The following DBN1 variants were observed in gnomAD, a reference collection of about 807,000 sequenced individuals.
The protein encoded by DBN1 is drebrin.
DBN1 carries 21 observed loss-of-function variants against 83.5 expected under a neutral mutation model. The ratio of observed to expected loss-of-function variants is 0.25; its 90% CI spans 0.18 to 0.36. The LOEUF is 0.36. Among genes scored for constraint, DBN1 ranks in the 10% least tolerant of loss-of-function variants. The probability of loss-of-function intolerance (pLI) is 1.00; values close to 1 mark genes in which losing one functional copy is unlikely to be tolerated. For missense variants in DBN1, 874 were observed against 935.7 expected, an observed-to-expected ratio of 0.93 and a Z score of 0.86; for synonymous variants, 381 against 384.9, an observed-to-expected ratio of 0.99 and a Z score of 0.12.
intron 1 of DBN1, chr5:177,472,204 C>A: frequency 6.2e-7 from 1 of 1,613,808 alleles, no homozygotes; most frequent in Non-Finnish European, 8.5e-7. Flanking sequence ...CATGGATGCC[C>A]AGCCATCTCA....
rs759928087 is a variant in DBN1, at chr5:177,466,748, C to T, written c.771+24G>A. The T allele has an allele frequency of 1.1e-5, 18 of 1,613,506 alleles. No homozygotes were observed. The highest frequency in any genetic ancestry group is 7.7e-5 in the South Asian group (7 of 91,064). Reference sequence around the variant, plus strand: ...ATTCTCACTTCCCTGACCCAGAGACCGGGAGCCTTGGCAAAGAACTTACAA... The same window carrying T: ...ATTCTCACTTCCCTGACCCAGAGACTGGGAGCCTTGGCAAAGAACTTACAA... On this transcript the variant is annotated intron_variant, in intron 8 of 14. Transcript: ENST00000393565. The surrounding 1 kb of genome is among the most constrained non-coding windows in gnomAD (Gnocchi z 4.8).
rs993556507 is a variant in DBN1, at chr5:177,473,354, CG to C, written c.86+81del. 7.4e-6 allele frequency: 6 copies of C among 808,798 alleles called. No homozygotes were observed. The African/African-American group carries it at 9.0e-5, about 12-fold the overall frequency. The allele number at this position is 808,798 out of a possible 1,614,324, so 50.1% of individuals were successfully genotyped here. A position where few individuals can be genotyped will look rare whatever the true frequency, so the allele number is the denominator to read the frequency against. On this transcript the variant is annotated intron_variant, in intron 1 of 14. Coordinates refer to ENST00000393565, the MANE Select transcript of DBN1 (RefSeq NM_001363541.2). ...CGGGGTCCCCCTCCCTTCCCGGCGG[CG>C]GGGCGGCGGGGCGGGAGAGAAACAA...
intron 13 of DBN1, 145 bp from the exon 14 acceptor site, chr5:177,457,902 G>A (rs111482145): frequency 9.2e-7 from 1 of 1,092,642 alleles, no homozygotes; most frequent in Non-Finnish European, 1.4e-6. Flanking sequence ...AACAAAAGCA[G>A]AGCCGGCCCA....
At chr5:177,468,989 G>T in intron 1 of DBN1, 90 bp from the exon 2 acceptor site, 1 of 737,396 alleles carries the variant, frequency 1.4e-6, no homozygotes. Context: ...GAGGGACATG[G>T]AGTGGGTAGG....
rs1381675074 is a variant in DBN1, at chr5:177,457,513, T to C, written c.2018-10A>G. The C allele has an allele frequency of 1.9e-6, 3 of 1,613,752 alleles. No individual in the cohort carries two copies. The highest frequency in any genetic ancestry group is 3.3e-5 in the Admixed American group (2 of 60,020). On this transcript the variant is annotated splice_polypyrimidine_tract_variant and intron_variant, in intron 14 of 14. Coordinates refer to ENST00000393565, the MANE Select transcript of DBN1 (RefSeq NM_001363541.2). ...CATGTGATGTCGATCTCTGTGGCGT[T>C]AGAAAGGGAGAGGAGTTAGGGACCT... is the stretch of plus-strand genomic sequence containing the variant.
At chr5:177,473,400 G>A in intron 1 of DBN1, 36 bp downstream of exon 1, 1 of 1,245,016 alleles carries the variant, frequency 8.0e-7, no homozygotes, top group Non-Finnish European at 1.1e-6. Context: ...GGCGGCGCGG[G>A]GACAAAGGGG....
At chr5:177,460,772 GTATTT>G in intron 8 of DBN1, 69 bp from the exon 9 acceptor site, 4 of 1,483,102 alleles carry the variant, frequency 2.7e-6, no homozygotes, top group South Asian at 1.2e-5. Flanking sequence ...CTTTTTTACT[GTATTT>G]TATTTATTGA....
chr5:177,459,407 G>A, intron 11 of DBN1, 139 bp from the exon 12 acceptor site: 1 of 1,432,112 alleles, frequency 7.0e-7, no homozygotes, highest in South Asian at 1.4e-5. Flanking sequence ...CCAGGGGCCA[G>A]ACTACAGCTC....
chr5:177,466,471 C>A lies in DBN1; in HGVS notation c.771+301G>T, dbSNP rs557400576. Reference sequence around the variant, plus strand: ...CTCAGAGTGCAGAACAGTGTCTAATCGCCGAGAAACCCCAGGGCAGGGGAG... The same window carrying A: ...CTCAGAGTGCAGAACAGTGTCTAATAGCCGAGAAACCCCAGGGCAGGGGAG... On this transcript the variant is annotated intron_variant, in intron 8 of 14. Transcript: ENST00000393565. This position sits in a 1 kb window ranked among gnomAD's most constrained non-coding sequence, Gnocchi z 4.8. 2.6e-5 allele frequency among the ~76,000 whole-genome samples: 4 copies of A among 152,202 alleles called. No homozygotes were observed. The highest frequency in any genetic ancestry group is 9.6e-5 in the African/African-American group (4 of 41,458).
intron 10 of DBN1, 82 bp downstream of exon 10, chr5:177,460,350 C>T (rs1182679338): frequency 1.3e-6 from 2 of 1,597,836 alleles, no homozygotes; most frequent in East Asian, 2.2e-5. Flanking sequence ...TGGGCAAGGC[C>T]TCCCTTCTGA....
rs777692519 is a variant in DBN1, at chr5:177,467,633, G to C, written c.331-6C>G. On this transcript the variant is annotated splice_region_variant and splice_polypyrimidine_tract_variant and intron_variant, in intron 4 of 14. Transcript: ENST00000393565. The surrounding 1 kb of genome is among the most constrained non-coding windows in gnomAD (Gnocchi z 9.1). ...TTCACGATCACGTCGACACCCTTCC[G>C]CAAGAAGACGGCAGTGCTCAGGCGG... is the stretch of plus-strand genomic sequence containing the variant. 27 of 1,570,358 alleles carry C rather than the reference G, an allele frequency of 1.7e-5. No homozygotes were observed. The highest frequency in any genetic ancestry group is 2.3e-5 in the Non-Finnish European group (27 of 1,157,720).
intron 2 of DBN1, 118 bp from the exon 3 acceptor site, chr5:177,468,338 G>A: frequency 1.2e-6 from 1 of 812,980 alleles, no homozygotes; most frequent in East Asian, 2.5e-5. Flanking sequence ...GGGTCTTCTG[G>A]CCTCTGGGGT....
rs751807331 is a variant in DBN1 at position 177,458,605 on chromosome 5, G to T, written c.1367C>A (p.Pro456His). 6.2e-7 allele frequency: 1 copy of T among 1,612,444 alleles called. No homozygotes were observed. The highest frequency in any genetic ancestry group is 1.1e-5 in the South Asian group (1 of 90,952). Residue 456 changes from proline (P) to histidine (H), a missense_variant, in exon 13 of 15, where the codon CCT becomes CAT. Coordinates refer to ENST00000393565, the MANE Select transcript of DBN1 (RefSeq NM_001363541.2). Reference protein sequence around the residue: ...PMEEPPQAQAPPRGPGSPAED... With the variant: ...PMEEPPQAQAHPRGPGSPAED... ...TGCAGGGCTGCCTGGCCCCCGGGGA[G>T]GCGCCTGTGCCTGAGGGGGCTCCTC...
At position 177,473,249 on chromosome 5, in the gene DBN1, G is replaced by A. The variant is rs1314799690; in HGVS notation, c.86+187C>T. ...CTCCGGGCGCTCGGGGCCCGGCAGT[G>A]CCCCGCCTGGCCCGCCGGCCCCTCC... On this transcript the variant is annotated intron_variant, in intron 1 of 14. Transcript: ENST00000393565. 1.5e-5 allele frequency: 4 copies of A among 262,154 alleles called. 1 individual carries two copies. The highest frequency in any genetic ancestry group is 2.8e-5 in the Non-Finnish European group (4 of 143,256). 16.2% of individuals were successfully genotyped at this position (262,154 alleles called of 1,614,324 possible).
chr5:177,465,933 T>C (rs935283237), intron 8 of DBN1, among the ~76,000 whole-genome samples: 1 of 151,758 alleles, frequency 6.6e-6, no homozygotes, highest in Non-Finnish European at 1.5e-5. Context: ...ATGTTCTTTA[T>C]GTGGCAGGTG....
chr5:177,464,190 G>GT (rs1299960087), intron 8 of DBN1, among the ~76,000 whole-genome samples: 3 of 151,964 alleles, frequency 2.0e-5, no homozygotes, highest in Non-Finnish European at 4.4e-5. Context: ...GCTCACGCCT[G>GT]TAATTCCAGG....
At chr5:177,472,756 G>T in intron 1 of DBN1, 1 of 977,012 alleles carries the variant, frequency 1.0e-6, no homozygotes, top group Non-Finnish European at 1.2e-6. Context: ...GTCCCCTTCA[G>T]GTAGGGGAGG....
intron 14 of DBN1, 67 bp from the exon 15 acceptor site, chr5:177,457,570 G>C: frequency 1.3e-6 from 2 of 1,558,482 alleles, no homozygotes; most frequent in Non-Finnish European, 1.8e-6. Flanking sequence ...GCCTCTGTGA[G>C]CGGTGGGTAG....
chr5:177,467,340 G>A lies in DBN1; in HGVS notation c.478-8C>T. The A allele has an allele frequency of 6.2e-7, 1 of 1,614,162 alleles. No homozygotes were observed. The highest frequency in any genetic ancestry group is 1.6e-4 in the Middle Eastern group (1 of 6,062). ...CTTCTGGTAGGTGGTGCCCTGCAGT[G>A]TCGAAGGACCCAGCATAAGCAGGCT... On this transcript the variant is annotated splice_region_variant and splice_polypyrimidine_tract_variant and intron_variant, in intron 5 of 14. Coordinates refer to ENST00000393565, the MANE Select transcript of DBN1 (RefSeq NM_001363541.2). This position sits in a 1 kb window ranked among gnomAD's most constrained non-coding sequence, Gnocchi z 9.1.
Sources: gnomAD v4.1 joint callset for allele counts (sites outside exome capture counted in the v4.1 genomes callset) on GRCh38, gnomAD v4.1.1 for gene constraint, Gnocchi (gnomAD v3.1) non-coding constraint, MANE v1.5 for transcripts, NCBI Gene and HGNC (gene_info 2026-07-23, HGNC 2026-07-21) for gene names.